Variants in COL21A1 observed in about 807,000 individuals in gnomAD.
COL21A1 encodes the protein collagen alpha-1(XXI) chain.
In COL21A1, 149 loss-of-function variants were observed where a neutral mutation model predicts 137.9. That is an observed-to-expected ratio of 1.08 (90% confidence interval 0.95 to 1.24). The LOEUF (loss-of-function observed/expected upper bound fraction) is 1.24, where lower values mean the gene tolerates loss of function less well. COL21A1 is among the 50% of genes most tolerant of loss of function. The pLI is 0.00. For synonymous variants in COL21A1, 456 were observed against 391.5 expected (o/e 1.16, Z -1.95); for missense variants, 1,167 against 1,158.4 (o/e 1.01, Z -0.11).
At chr6:56,249,953 G>T (rs1233602409), upstream of COL21A1, among the ~76,000 whole-genome samples, 1 of 152,182 alleles carries the variant, frequency 6.6e-6, no homozygotes, top group Non-Finnish European at 1.5e-5. Flanking sequence ...GGTCAATAAA[G>T]ATGTTATTAA....
chr6:56,139,867 C>T (rs773759041), intron 12 of COL21A1, among the ~76,000 whole-genome samples: 1 of 152,002 alleles, frequency 6.6e-6, no homozygotes, highest in East Asian at 1.9e-4. Flanking sequence ...TTTGAAGGGA[C>T]CACTTAAAAG....
At chr6:56,255,213 C>T (rs553130889) in intron 1 of COL21A1, among the ~76,000 whole-genome samples, 1 of 152,026 alleles carries the variant, frequency 6.6e-6, no homozygotes. Flanking sequence ...TCTTATTTCT[C>T]GTGTTCTATA....
At chr6:56,383,734 T>A (rs1173707903) in intron 1 of COL21A1, among the ~76,000 whole-genome samples, 1 of 152,140 alleles carries the variant, frequency 6.6e-6, no homozygotes, top group Non-Finnish European at 1.5e-5. Flanking sequence ...TTGACCCAGG[T>A]TTTTGGCTTT....
At chr6:56,345,653 T>C (rs1765580665) in intron 1 of COL21A1, among the ~76,000 whole-genome samples, 1 of 152,210 alleles carries the variant, frequency 6.6e-6, no homozygotes, top group African/African-American at 2.4e-5. Context: ...GTCACCATTC[T>C]TTCTTCCCCC....
At chr6:56,226,194 C>A (rs919652487) in intron 1 of COL21A1, among the ~76,000 whole-genome samples, 1 of 151,794 alleles carries the variant, frequency 6.6e-6, no homozygotes, top group South Asian at 2.1e-4. Context: ...AGGGCATAGC[C>A]GAATTACCTA....
chr6:56,175,954 T>C lies in COL21A1; in HGVS notation c.640+3624A>G, dbSNP rs577017962. 6.6e-5 allele frequency among the ~76,000 whole-genome samples: 10 copies of C among 152,132 alleles called. 1 individual carries two copies. In the South Asian group the frequency reaches 2.1e-3, roughly 32 times the overall value. ...AAACATATAGACAAATGGAACAGAA[T>C]AGAGAGCCCAGAAAACACTCTTGCA... On this transcript the variant is annotated intron_variant, in intron 3 of 29. Transcript: ENST00000244728.
intron 10 of COL21A1, among the ~76,000 whole-genome samples, chr6:56,150,941 C>T (rs1165093120): frequency 1.3e-5 from 2 of 152,114 alleles, no homozygotes; most frequent in Non-Finnish European, 2.9e-5. Flanking sequence ...AAGAGTAACT[C>T]GGCCGGGGGC....
At chr6:56,367,726 A>AT (rs1276633946) in intron 1 of COL21A1, among the ~76,000 whole-genome samples, 4 of 151,944 alleles carry the variant, frequency 2.6e-5, no homozygotes, top group African/African-American at 7.3e-5. Flanking sequence ...AACTGAGACA[A>AT]TTTTTTGTTT....
intron 1 of COL21A1, among the ~76,000 whole-genome samples, chr6:56,219,793 C>G (rs749107427): frequency 3.9e-5 from 6 of 152,126 alleles, no homozygotes; most frequent in Non-Finnish European, 7.4e-5. Flanking sequence ...AATATTTTTG[C>G]CCATCTATCC....
rs1019897178 is a variant in COL21A1, at chr6:56,348,290, G to T, written c.-39+45681C>A. Among the ~76,000 whole-genome samples the T allele has an allele frequency of 2.0e-5, 3 of 152,294 alleles. No homozygotes were observed. In the Middle Eastern group the frequency reaches 0.01, roughly 518 times the overall value. On this transcript the variant is annotated intron_variant, in intron 1 of 28. Coordinates refer to the COL21A1 transcript ENST00000370819. The stretch of plus-strand genomic sequence containing the variant: ...GCACATAGCTGTGGCTCGGTGAGTT[G>T]AGAAAGGATTTTCAGTGAAGTGAAA...
intron 1 of COL21A1, among the ~76,000 whole-genome samples, chr6:56,360,965 G>T (rs1765952313): frequency 6.6e-6 from 1 of 152,106 alleles, no homozygotes; most frequent in Non-Finnish European, 1.5e-5. Flanking sequence ...CCAGGTTGTG[G>T]TGACGCGTGC....
intron 1 of COL21A1, among the ~76,000 whole-genome samples, chr6:56,253,925 T>A (rs147408287): frequency 9.9e-5 from 15 of 152,202 alleles, no homozygotes; most frequent in Non-Finnish European, 2.1e-4. Context: ...TCGGAAAGCA[T>A]GTTCTTAGAT....
intron 17 of COL21A1, among the ~76,000 whole-genome samples, chr6:56,094,847 A>G (rs534425359): frequency 2.0e-5 from 3 of 152,202 alleles, no homozygotes; most frequent in Non-Finnish European, 4.4e-5. Flanking sequence ...TTCTTTCTCT[A>G]GGAAACTTCA....
intron 10 of COL21A1, among the ~76,000 whole-genome samples, chr6:56,142,816 T>C (rs1044767786): frequency 6.6e-6 from 1 of 152,350 alleles, no homozygotes; most frequent in Middle Eastern, 3.4e-3. Context: ...CCATTTTTCT[T>C]AGATCTTACT....
At chr6:56,266,035 C>T (rs6905216) in intron 1 of COL21A1, among the ~76,000 whole-genome samples, 60,161 of 152,054 alleles carry the variant, frequency 0.4, 13,411 homozygotes, top group African/African-American at 0.59. Context: ...GTGCTTTTAA[C>T]GAGGCAATTT....
intron 16 of COL21A1, among the ~76,000 whole-genome samples, chr6:56,118,726 A>T (rs1488156808): frequency 6.6e-6 from 1 of 152,096 alleles, no homozygotes; most frequent in Non-Finnish European, 1.5e-5. Flanking sequence ...AAGATCATTC[A>T]TCACAACAAC....
Position 56,121,515 on chromosome 6 carries a change from TATATATATACATATAC to T in COL21A1, c.1758+2531_1758+2546del, listed in dbSNP as rs1772512280. ...ATATATATGTATATTCATATGTGTA[TATATATATACATATAC>T]ATATATATGTATATTCATATGTATA... On this transcript the variant is annotated intron_variant, in intron 16 of 29. Coordinates refer to ENST00000244728, the MANE Select transcript of COL21A1 (RefSeq NM_030820.4). 2.1e-5 allele frequency among the ~76,000 whole-genome samples: 3 copies of T among 142,254 alleles called. No individual in the cohort carries two copies. In the South Asian group the frequency reaches 6.5e-4, roughly 31 times the overall value. 93.3% of individuals were successfully genotyped at this position (142,254 alleles called of 152,430 possible).
chr6:56,198,146 A>G (rs576674083), intron 1 of COL21A1, among the ~76,000 whole-genome samples: 2 of 152,208 alleles, frequency 1.3e-5, no homozygotes, highest in African/African-American at 4.8e-5. Flanking sequence ...GCATGATCAC[A>G]TGTTGAAATC....
intron 1 of COL21A1, among the ~76,000 whole-genome samples, chr6:56,194,409 G>C (rs571758700): frequency 1.3e-5 from 2 of 152,232 alleles, no homozygotes; most frequent in Admixed American, 1.3e-4. Context: ...TAGTTGAATA[G>C]GGAGTGTGTT....
Sources: allele counts gnomAD v4.1 joint callset (sites outside exome capture counted in the v4.1 genomes callset), GRCh38; gene constraint gnomAD v4.1.1; transcripts MANE v1.5; gene names NCBI Gene and HGNC (gene_info 2026-07-23, HGNC 2026-07-21).